HPSE2: variants seen among roughly 807,000 people sequenced by gnomAD.
HPSE2 encodes heparanase 2 (inactive), also known as inactive heparanase-2.
In HPSE2, 38 loss-of-function variants were observed where a neutral mutation model predicts 60.5. The observed-to-expected ratio is 0.63, with a 90% confidence interval of 0.48 to 0.82. The LOEUF is 0.82. Among genes scored for constraint, HPSE2 ranks in the 40% least tolerant of loss-of-function variants. The pLI, the probability that HPSE2 is intolerant of heterozygous loss-of-function variation, is 0.00. For missense variants in HPSE2, 713 were observed against 740.4 expected (o/e 0.96, Z 0.43); for synonymous variants, 295 against 293.2 (o/e 1.01, Z -0.06).
intron 9 of HPSE2, among the ~76,000 whole-genome samples, chr10:98,490,408 G>A (rs1262476987): frequency 3.3e-5 from 5 of 152,206 alleles, no homozygotes; most frequent in African/African-American, 1.2e-4. Context: ...AATGGACACT[G>A]TCTAAAGTGG....
chr10:99,167,835 C>T (rs922573392), intron 2 of HPSE2, among the ~76,000 whole-genome samples: 3 of 152,032 alleles, frequency 2.0e-5, no homozygotes, highest in Non-Finnish European at 4.4e-5. Context: ...TCGAGAAGAA[C>T]TGATATCTTA....
At chr10:99,013,440 C>A (rs1375618846) in intron 3 of HPSE2, 2 of 507,062 alleles carry the variant, frequency 3.9e-6, no homozygotes, top group Non-Finnish European at 7.4e-6. Flanking sequence ...CCACCAATAT[C>A]CTCCATTAGG....
chr10:98,727,013 T>C (rs1378381794), intron 4 of HPSE2, among the ~76,000 whole-genome samples: 1 of 152,134 alleles, frequency 6.6e-6, no homozygotes, highest in African/African-American at 2.4e-5. Flanking sequence ...TGATCAATCT[T>C]CAGCTCACCA....
intron 3 of HPSE2, among the ~76,000 whole-genome samples, chr10:98,848,576 C>T (rs1952088935): frequency 6.6e-6 from 1 of 152,150 alleles, no homozygotes; most frequent in Non-Finnish European, 1.5e-5. Flanking sequence ...TACACCAAAA[C>T]AGATGAGTCA....
chr10:98,969,955 C>G (rs536620591), intron 3 of HPSE2, among the ~76,000 whole-genome samples: 1 of 141,274 alleles, frequency 7.1e-6, no homozygotes, highest in East Asian at 2.0e-4. Flanking sequence ...TGGGGAACAG[C>G]TGTCACCCAC....
Position 98,593,842 on chromosome 10 carries a change from A to G in HPSE2, c.1320+21062T>C, listed in dbSNP as rs111534429. On this transcript the variant is annotated intron_variant, in intron 9 of 11. Coordinates refer to ENST00000370552, the MANE Select transcript of HPSE2 (RefSeq NM_021828.5). ...ATGTTTTAGTTCCTTCTTGGCATACAGCAGGCTCTCATTTCAGGGTAACAC... is the reference window on the plus strand; with the variant it reads ...ATGTTTTAGTTCCTTCTTGGCATACGGCAGGCTCTCATTTCAGGGTAACAC... Among the ~76,000 whole-genome samples the G allele has an allele frequency of 4.3e-3, 653 of 152,340 alleles. 3 individuals are homozygous for G. The highest frequency in any genetic ancestry group is 0.015 in the African/African-American group (629 of 41,578).
At chr10:98,470,035 A>G (rs1940711105) in intron 11 of HPSE2, among the ~76,000 whole-genome samples, 1 of 152,112 alleles carries the variant, frequency 6.6e-6, no homozygotes, top group Admixed American at 6.5e-5. Flanking sequence ...TGGAGGAGAG[A>G]ATGTGGGGCT....
At chr10:99,076,260 T>C (rs918693247) in intron 3 of HPSE2, among the ~76,000 whole-genome samples, 2 of 152,214 alleles carry the variant, frequency 1.3e-5, no homozygotes, top group African/African-American at 2.4e-5. Context: ...AAATATCTTA[T>C]AGTTACAATA....
At chr10:99,046,013 A>T (rs1371831309) in intron 3 of HPSE2, among the ~76,000 whole-genome samples, 1 of 152,168 alleles carries the variant, frequency 6.6e-6, no homozygotes, top group East Asian at 1.9e-4. Context: ...CTAATACCAA[A>T]GCCTGGCAGG....
At chr10:99,301,479 C>G in the HPSE2 span, among the ~76,000 whole-genome samples, 6 of 152,220 alleles carry the variant, frequency 3.9e-5, no homozygotes, top group Non-Finnish European at 7.3e-5. Context: ...GTCCCAAGGA[C>G]TTGCTCCTCC....
intron 6 of HPSE2, among the ~76,000 whole-genome samples, chr10:98,655,760 A>G (rs1318988017): frequency 1.3e-5 from 2 of 152,026 alleles, no homozygotes; most frequent in African/African-American, 4.8e-5. Context: ...ATTGTCAATT[A>G]GTAGGTTAAT....
At chr10:98,789,265 A>C (rs1950603627) in intron 3 of HPSE2, among the ~76,000 whole-genome samples, 2 of 152,200 alleles carry the variant, frequency 1.3e-5, no homozygotes, top group Admixed American at 1.3e-4. Flanking sequence ...GGGAACTGTG[A>C]ATGCTAGTAT....
At chr10:99,041,814 C>G (rs890729925) in intron 3 of HPSE2, among the ~76,000 whole-genome samples, 3 of 152,134 alleles carry the variant, frequency 2.0e-5, no homozygotes, top group African/African-American at 7.2e-5. Context: ...AGATAACCGA[C>G]AGGCCCGTTG....
upstream of HPSE2, among the ~76,000 whole-genome samples, chr10:99,237,293 T>G (rs1482310967): frequency 5.9e-5 from 9 of 152,116 alleles, no homozygotes; most frequent in African/African-American, 2.2e-4. Context: ...CCCTCCTTGG[T>G]ATCAAACAAG....
At chr10:98,724,968 A>T (rs1949032381) in intron 4 of HPSE2, among the ~76,000 whole-genome samples, 1 of 152,152 alleles carries the variant, frequency 6.6e-6, no homozygotes, top group Non-Finnish European at 1.5e-5. Flanking sequence ...ACTACAAACC[A>T]CTGCTCAATG....
intron 3 of HPSE2, among the ~76,000 whole-genome samples, chr10:99,103,749 G>A (rs952226892): frequency 7.9e-5 from 12 of 152,284 alleles, no homozygotes; most frequent in African/African-American, 2.6e-4. Flanking sequence ...CAAGGCTACA[G>A]TAACCAAAAC....
chr10:99,150,813 C>T (rs1017780289), intron 2 of HPSE2, among the ~76,000 whole-genome samples: 1 of 122,650 alleles, frequency 8.2e-6, no homozygotes, highest in Non-Finnish European at 1.9e-5. Flanking sequence ...CCCAAGAGAT[C>T]AGCAGGAAAA....
At chr10:98,819,378 C>T (rs1208244286) in intron 3 of HPSE2, among the ~76,000 whole-genome samples, 2 of 148,700 alleles carry the variant, frequency 1.3e-5, no homozygotes, top group African/African-American at 4.9e-5. Context: ...TAACAGTTTA[C>T]AAATCTTTCC....
chr10:98,626,021 G>A (rs1344581998), intron 7 of HPSE2, among the ~76,000 whole-genome samples: 1 of 151,112 alleles, frequency 6.6e-6, no homozygotes, highest in Non-Finnish European at 1.5e-5. Flanking sequence ...CGGAAGAACT[G>A]CGTGAACCTG....
Sources: gnomAD v4.1 joint callset for allele counts (sites outside exome capture counted in the v4.1 genomes callset) on GRCh38, gnomAD v4.1.1 for gene constraint, MANE v1.5 for transcripts, NCBI Gene and HGNC (gene_info 2026-07-23, HGNC 2026-07-21) for gene names.